The following KCND2 variants were observed in gnomAD, a reference collection of about 807,000 sequenced individuals.
KCND2 encodes A-type voltage-gated potassium channel KCND2.
Under a neutral mutation model 54.4 loss-of-function variants are expected in KCND2, and 16 were observed. That is an observed-to-expected ratio of 0.29 (90% CI 0.20 to 0.45). The LOEUF is 0.45. KCND2 is among the 20% of genes least tolerant of loss of function. KCND2 has a pLI of 1.00. For missense variants in KCND2, 486 were observed against 824.2 expected (o/e 0.59, Z 5.02); for synonymous variants, 317 against 310.7 (o/e 1.02, Z -0.21).
chr7:120,442,886 A>C (rs1801963260), intron 1 of KCND2, among the ~76,000 whole-genome samples: 2 of 152,130 alleles, frequency 1.3e-5, no homozygotes, highest in Non-Finnish European at 2.9e-5. Context: ...AGTAAATTAA[A>C]TTTAAAGAAG....
intron 1 of KCND2, among the ~76,000 whole-genome samples, chr7:120,723,450 G>A (rs1228940574): frequency 1.3e-5 from 2 of 152,194 alleles, no homozygotes; most frequent in Non-Finnish European, 2.9e-5. Context: ...GAACAACTCA[G>A]CTACTTCACA....
At chr7:120,365,253 C>T (rs958145352) in intron 1 of KCND2, among the ~76,000 whole-genome samples, 1 of 151,036 alleles carries the variant, frequency 6.6e-6, no homozygotes. Context: ...GAGGGACGGG[C>T]GAGCTAATTC....
chr7:120,514,228 TG>T (rs1803162746), intron 1 of KCND2, among the ~76,000 whole-genome samples: 1 of 152,122 alleles, frequency 6.6e-6, no homozygotes, highest in East Asian at 1.9e-4. Flanking sequence ...TTAAAAATTT[TG>T]CTCATGACCA....
intron 1 of KCND2, among the ~76,000 whole-genome samples, chr7:120,529,854 A>G (rs1791821600): frequency 6.6e-6 from 1 of 152,112 alleles, no homozygotes; most frequent in Non-Finnish European, 1.5e-5. Context: ...AGGCCGAGGC[A>G]GGAGGATCAC....
chr7:120,719,659 A>G (rs562644933), intron 1 of KCND2, among the ~76,000 whole-genome samples: 15 of 152,134 alleles, frequency 9.9e-5, no homozygotes, highest in Non-Finnish European at 2.2e-4. Flanking sequence ...TTAGCTATAG[A>G]CTTTCATTAG....
chr7:120,678,263 T>G (rs1199386595), intron 1 of KCND2, among the ~76,000 whole-genome samples: 1 of 150,502 alleles, frequency 6.6e-6, no homozygotes, highest in African/African-American at 2.4e-5. Context: ...ATTTCCTGTA[T>G]GCATTCAATT....
intron 1 of KCND2, among the ~76,000 whole-genome samples, chr7:120,334,649 A>G (rs1800118801): frequency 6.6e-6 from 1 of 152,190 alleles, no homozygotes; most frequent in Non-Finnish European, 1.5e-5. Context: ...CATAGATGGT[A>G]TGCCAAGGCT....
chr7:120,434,259 A>G (rs1357971486), intron 1 of KCND2, among the ~76,000 whole-genome samples: 1 of 152,218 alleles, frequency 6.6e-6, no homozygotes, highest in Non-Finnish European at 1.5e-5. Context: ...GTAAAACACA[A>G]GAGGCATCTA....
chr7:120,496,095 T>G (rs770240918), intron 1 of KCND2, among the ~76,000 whole-genome samples: 31 of 152,184 alleles, frequency 2.0e-4, no homozygotes, highest in Non-Finnish European at 3.7e-4. Context: ...AACTATTGGC[T>G]ATTTGAAGCA....
At chr7:120,484,702 C>G (rs1426106058) in intron 1 of KCND2, among the ~76,000 whole-genome samples, 2 of 67,056 alleles carry the variant, frequency 3.0e-5, no homozygotes, top group Non-Finnish European at 4.7e-5. Context: ...ATATTACACG[C>G]ACACACACAC....
intron 1 of KCND2, among the ~76,000 whole-genome samples, chr7:120,585,208 G>T (rs868771416): frequency 6.6e-6 from 1 of 151,842 alleles, no homozygotes; most frequent in Middle Eastern, 3.2e-3. Context: ...AATCTCCTGG[G>T]AAATATTATA....
chr7:120,327,591 C>G (rs1013055922), intron 1 of KCND2, among the ~76,000 whole-genome samples: 5 of 152,014 alleles, frequency 3.3e-5, no homozygotes, highest in African/African-American at 1.2e-4. Context: ...GGAAATAGTT[C>G]TAATATGAGG....
chr7:120,408,050 C>G (rs1338343264), intron 1 of KCND2, among the ~76,000 whole-genome samples: 1 of 151,674 alleles, frequency 6.6e-6, no homozygotes, highest in Non-Finnish European at 1.5e-5. Flanking sequence ...GAAATGGGGG[C>G]CTGTACCAAG....
intron 1 of KCND2, among the ~76,000 whole-genome samples, chr7:120,662,553 A>G (rs1440986387): frequency 6.6e-6 from 1 of 152,208 alleles, no homozygotes; most frequent in Admixed American, 6.5e-5. Context: ...AAGAACATAA[A>G]ATGTGTGTGC....
intron 1 of KCND2, among the ~76,000 whole-genome samples, chr7:120,494,409 T>G (rs1802822664): frequency 1.3e-5 from 2 of 152,126 alleles, no homozygotes; most frequent in East Asian, 3.8e-4. Flanking sequence ...ATAGCAATCT[T>G]TAGATCACAT....
intron 1 of KCND2, among the ~76,000 whole-genome samples, chr7:120,386,993 C>T (rs1800998468): frequency 6.6e-6 from 1 of 152,084 alleles, no homozygotes; most frequent in African/African-American, 2.4e-5. Context: ...TCATCATGAG[C>T]ATCATCACTT....
At chr7:120,504,591 G>A (rs1802987546) in intron 1 of KCND2, among the ~76,000 whole-genome samples, 1 of 151,788 alleles carries the variant, frequency 6.6e-6, no homozygotes, top group South Asian at 2.1e-4. Context: ...TCATCTTGGT[G>A]TGTAATTTAC....
At position 120,429,853 on chromosome 7, in the gene KCND2, G is replaced by A. The variant is rs181969114; in HGVS notation, c.1115+154106G>A. On this transcript the variant is annotated intron_variant, in intron 1 of 5. Transcript: ENST00000331113. ...ACTTTCTTGATGAGATTGGAATGAC[G>A]TTTTAAAAAAATATATTATTTTGAT... 2.8e-3 allele frequency among the ~76,000 whole-genome samples: 427 copies of A among 152,162 alleles called. 8 individuals are homozygous for A. Among genetic ancestry groups the A allele is most frequent in the Admixed American group, 0.012 (190 of 15,288 alleles).
intron 1 of KCND2, among the ~76,000 whole-genome samples, chr7:120,690,029 T>A (rs1792250319): frequency 6.6e-6 from 1 of 152,252 alleles, no homozygotes; most frequent in African/African-American, 2.4e-5. Context: ...TTCTGATTTC[T>A]GATTTTTTCT....
Sources: gnomAD v4.1 joint callset for allele counts (sites outside exome capture counted in the v4.1 genomes callset) on GRCh38, gnomAD v4.1.1 for gene constraint, MANE v1.5 for transcripts, NCBI Gene and HGNC (gene_info 2026-07-23, HGNC 2026-07-21) for gene names.